The following EIF3H variants were observed in gnomAD, a reference collection of about 807,000 sequenced individuals.
EIF3H encodes the protein eukaryotic translation initiation factor 3 subunit H, also known as eIF-3-gamma.
In EIF3H, 26 loss-of-function variants were observed where a neutral mutation model predicts 44.2. The observed-to-expected ratio is 0.59, with a 90% CI of 0.43 to 0.82. The LOEUF (loss-of-function observed/expected upper bound fraction) is 0.82, where lower values mean the gene tolerates loss of function less well. Ranked by LOEUF, EIF3H falls within the 40% of genes least tolerant of loss-of-function variation. The pLI, the probability that EIF3H is intolerant of heterozygous loss-of-function variation, is 0.00. For missense variants in EIF3H, 359 were observed against 432.8 expected, an observed-to-expected ratio of 0.83 and a Z score of 1.51; for synonymous variants, 166 against 151.9, an observed-to-expected ratio of 1.09 and a Z score of -0.68.
chr8:116,658,879 G>C lies in EIF3H; in HGVS notation c.391C>G (p.Arg131Gly). Reference sequence around the variant, plus strand: ...CTAAACTGAGAGTCCAGGAGTGCCCGGGTAACGAATGAGCCATAGTATGTG... The same window carrying C: ...CTAAACTGAGAGTCCAGGAGTGCCCCGGTAACGAATGAGCCATAGTATGTG... ...QSTYYGSFVT[R>G]ALLDSQFSYQ... The change falls in exon 3 of 8, where the codon CGG (arginine) becomes GGG (glycine). Residue 131 changes from arginine to glycine, a missense_variant. Transcript: ENST00000521861. The C allele has an allele frequency of 1.2e-6, 2 of 1,613,918 alleles. No individual in the cohort carries two copies. Among genetic ancestry groups the C allele is most frequent in the Non-Finnish European group, 1.7e-6 (2 of 1,179,856 alleles).
At chr8:116,749,407 C>G (rs147466166) in intron 1 of EIF3H, among the ~76,000 whole-genome samples, 1 of 152,170 alleles carries the variant, frequency 6.6e-6, no homozygotes, top group South Asian at 2.1e-4. Flanking sequence ...TTCTGTGATA[C>G]GTATGTCTGC....
intron 2 of EIF3H, among the ~76,000 whole-genome samples, chr8:116,706,856 A>G (rs949106891): frequency 3.3e-5 from 5 of 152,182 alleles, no homozygotes; most frequent in Non-Finnish European, 5.9e-5. Flanking sequence ...ACATTTTACT[A>G]TAAAACAAGC....
intron 6 of EIF3H, among the ~76,000 whole-genome samples, chr8:116,647,654 T>C (rs1429623201): frequency 2.6e-5 from 4 of 152,168 alleles, no homozygotes; most frequent in African/African-American, 2.4e-5. Flanking sequence ...TGTCAGGTAA[T>C]GAGAAACCAA....
intron 2 of EIF3H, among the ~76,000 whole-genome samples, chr8:116,715,711 G>A (rs550315878): frequency 5.3e-5 from 8 of 152,194 alleles, no homozygotes; most frequent in Admixed American, 5.2e-4. Context: ...TTAATTCAGT[G>A]CACTTTATAA....
chr8:116,695,624 G>A (rs977244577), intron 2 of EIF3H, among the ~76,000 whole-genome samples: 8 of 152,112 alleles, frequency 5.3e-5, no homozygotes, highest in Non-Finnish European at 8.8e-5. Context: ...AGGTATTGGG[G>A]ATAGGAGGAG....
In EIF3H at chr8:116,644,914, G is replaced by T; in HGVS notation, c.*92C>A. ...CAATGACACTAAAGAAATCCTCTGT[G>T]CTTTTCAATATGCAAATATATTTCT... On this transcript the variant is annotated 3_prime_UTR_variant, in exon 8 of 8. Coordinates refer to ENST00000521861, the MANE Select transcript of EIF3H (RefSeq NM_003756.3). 9.9e-7 allele frequency: 1 copy of T among 1,009,252 alleles called. No homozygotes were observed. Among genetic ancestry groups the T allele is most frequent in the Non-Finnish European group, 1.5e-6 (1 of 665,380 alleles). The allele number at this position is 1,009,252 out of a possible 1,614,324, so 62.5% of individuals were successfully genotyped here.
upstream of EIF3H, among the ~76,000 whole-genome samples, chr8:116,757,815 A>G (rs370169300): frequency 6.6e-6 from 1 of 151,042 alleles, no homozygotes; most frequent in African/African-American, 2.4e-5. Context: ...TCCGCCTCCC[A>G]GGTTCAAGCG....
At chr8:116,749,251 A>C (rs555814031) in intron 1 of EIF3H, among the ~76,000 whole-genome samples, 16 of 152,314 alleles carry the variant, frequency 1.1e-4, no homozygotes, top group African/African-American at 3.8e-4. Flanking sequence ...ATTAACAGTA[A>C]ATCACTAACA....
upstream of EIF3H, among the ~76,000 whole-genome samples, chr8:116,756,753 A>G (rs1267352861): frequency 6.6e-6 from 1 of 152,234 alleles, no homozygotes; most frequent in African/African-American, 2.4e-5. Flanking sequence ...TTAACACTAC[A>G]AAATGAAAAG....
At chr8:116,752,711 A>G (rs1229105762) in intron 1 of EIF3H, among the ~76,000 whole-genome samples, 1 of 137,952 alleles carries the variant, frequency 7.2e-6, no homozygotes, top group East Asian at 2.2e-4. Flanking sequence ...AAAGAAAGAA[A>G]GAAAGAAAGA....
intron 2 of EIF3H, among the ~76,000 whole-genome samples, chr8:116,690,659 A>G (rs1487949913): frequency 1.3e-5 from 2 of 152,246 alleles, no homozygotes; most frequent in African/African-American, 4.8e-5. Context: ...GTAGACTGCT[A>G]TAACATTACT....
At chr8:116,755,519 G>T in intron 1 of EIF3H, 147 bp downstream of exon 1, 1 of 1,063,426 alleles carries the variant, frequency 9.4e-7, no homozygotes, top group South Asian at 1.6e-5. Flanking sequence ...TGAACAAAAA[G>T]TGAAGATGAA....
chr8:116,692,341 C>A (rs1361060736), intron 2 of EIF3H, among the ~76,000 whole-genome samples: 2 of 152,066 alleles, frequency 1.3e-5, no homozygotes, highest in Non-Finnish European at 2.9e-5. Context: ...ATAGAAAATT[C>A]TCAGCACATT....
intron 2 of EIF3H, among the ~76,000 whole-genome samples, chr8:116,710,854 T>C (rs1814562054): frequency 6.6e-6 from 1 of 152,232 alleles, no homozygotes; most frequent in Admixed American, 6.5e-5. Context: ...CCTCCTGTGA[T>C]TCTCTTTGTA....
At chr8:116,686,563 A>G in intron 2 of EIF3H, among the ~76,000 whole-genome samples, 1 of 152,072 alleles carries the variant, frequency 6.6e-6, no homozygotes, top group Non-Finnish European at 1.5e-5. Flanking sequence ...CTATGGTAAA[A>G]GCTGACACAG....
intron 2 of EIF3H, chr8:116,688,958 T>C (rs986255861): frequency 1.5e-5 from 5 of 323,342 alleles, no homozygotes; most frequent in African/African-American, 1.1e-4. Flanking sequence ...CCTAGGAATA[T>C]ACCCGAGAGA....
At chr8:116,764,895 T>C (rs557873032) in intron 1 of EIF3H, among the ~76,000 whole-genome samples, 1 of 152,322 alleles carries the variant, frequency 6.6e-6, no homozygotes, top group Non-Finnish European at 1.5e-5. Flanking sequence ...GGGTGCAAAC[T>C]GGCACTGTCA....
upstream of EIF3H, among the ~76,000 whole-genome samples, chr8:116,758,642 G>A (rs28643542): frequency 7.5e-3 from 1,138 of 152,200 alleles, 21 homozygotes; most frequent in African/African-American, 0.026. Flanking sequence ...AATAATTTCT[G>A]AGTTGAAATT....
intron 2 of EIF3H, among the ~76,000 whole-genome samples, chr8:116,667,351 T>A (rs917597447): frequency 6.6e-6 from 1 of 151,874 alleles, no homozygotes; most frequent in African/African-American, 2.4e-5. Context: ...ATTTCTGTTA[T>A]AGAAAAATCA....
Sources: gnomAD v4.1 joint callset for allele counts (sites outside exome capture counted in the v4.1 genomes callset) on GRCh38, gnomAD v4.1.1 for gene constraint, MANE v1.5 for transcripts, NCBI Gene and HGNC (gene_info 2026-07-23, HGNC 2026-07-21) for gene names.